Variants in DCDC2 observed in about 807,000 individuals in gnomAD.
DCDC2 encodes doublecortin domain-containing protein 2.
Under a neutral mutation model 50.2 loss-of-function variants are expected in DCDC2, and 40 were observed. The ratio of observed to expected loss-of-function variants is 0.80; its 90% CI spans 0.62 to 1.04. The LOEUF (loss-of-function observed/expected upper bound fraction) is 1.04, where lower values mean the gene tolerates loss of function less well. Among genes scored for constraint, DCDC2 ranks in the 50% least tolerant of loss-of-function variants. DCDC2 has a pLI of 0.00. For missense variants in DCDC2, 570 were observed against 581.9 expected (o/e 0.98, Z 0.21); for synonymous variants, 234 against 210.6 (o/e 1.11, Z -0.96).
At chr6:24,308,579 C>A (rs1759515811) in intron 2 of DCDC2, among the ~76,000 whole-genome samples, 1 of 151,984 alleles carries the variant, frequency 6.6e-6, no homozygotes, top group Non-Finnish European at 1.5e-5. Flanking sequence ...ACATGACGAC[C>A]CGTTATCAAG....
the DCDC2 span, among the ~76,000 whole-genome samples, chr6:24,367,659 T>C: frequency 2.0e-4 from 31 of 152,312 alleles, no homozygotes; most frequent in African/African-American, 7.0e-4. Flanking sequence ...TGTTCTCAGA[T>C]GGCTGACAGA....
intron 7 of DCDC2, among the ~76,000 whole-genome samples, chr6:24,263,370 A>G (rs1488477881): frequency 6.6e-6 from 1 of 152,234 alleles, no homozygotes; most frequent in Non-Finnish European, 1.5e-5. Flanking sequence ...ATCCCGAGAA[A>G]CATGACCTCA....
intron 2 of DCDC2, among the ~76,000 whole-genome samples, chr6:24,321,724 T>C (rs1759777436): frequency 6.6e-6 from 1 of 152,218 alleles, no homozygotes; most frequent in South Asian, 2.1e-4. Context: ...ATCACTGGTA[T>C]TTCCCAGTCT....
intron 7 of DCDC2, among the ~76,000 whole-genome samples, chr6:24,239,501 C>A (rs778313287): frequency 6.6e-6 from 1 of 152,214 alleles, no homozygotes; most frequent in Non-Finnish European, 1.5e-5. Flanking sequence ...ACAAGCACTG[C>A]CCCTGTAACA....
intron 8 of DCDC2, among the ~76,000 whole-genome samples, chr6:24,200,596 G>A (rs1467035068): frequency 3.3e-5 from 5 of 151,510 alleles, no homozygotes; most frequent in South Asian, 2.1e-4. Context: ...AGAAACTAAC[G>A]GGCAAAATAA....
intron 7 of DCDC2, among the ~76,000 whole-genome samples, chr6:24,276,977 TC>T (rs1763372651): frequency 6.6e-6 from 1 of 152,146 alleles, no homozygotes; most frequent in Non-Finnish European, 1.5e-5. Context: ...TTTAGACCCC[TC>T]CACTTCTCTG....
intron 8 of DCDC2, among the ~76,000 whole-genome samples, chr6:24,184,137 G>T (rs1210277406): frequency 1.3e-5 from 2 of 152,144 alleles, no homozygotes; most frequent in Non-Finnish European, 2.9e-5. Context: ...TAAACAAAAG[G>T]CAGTCTTGTC....
chr6:24,233,031 T>G (rs1762370995), intron 7 of DCDC2, among the ~76,000 whole-genome samples: 1 of 152,198 alleles, frequency 6.6e-6, no homozygotes, highest in Non-Finnish European at 1.5e-5. Context: ...CTGAGTTATT[T>G]GTTTTCTATG....
chr6:24,292,749 TG>T (rs1184198523), intron 4 of DCDC2, among the ~76,000 whole-genome samples: 1 of 152,228 alleles, frequency 6.6e-6, no homozygotes, highest in Non-Finnish European at 1.5e-5. Flanking sequence ...ATTGACATTT[TG>T]GACCAGATAA....
chr6:24,187,501 T>C (rs998703864), intron 8 of DCDC2, among the ~76,000 whole-genome samples: 1 of 152,174 alleles, frequency 6.6e-6, no homozygotes, highest in African/African-American at 2.4e-5. Flanking sequence ...AACCACACTG[T>C]GCAGTTATTC....
chr6:24,358,835 A>ATAATTTATT (rs1554121636), upstream of DCDC2, among the ~76,000 whole-genome samples: 1 of 59,352 alleles, frequency 1.7e-5, no homozygotes, highest in Non-Finnish European at 2.8e-5. Context: ...TTATATTTAT[A>ATAATTTATT]TATATATTTA....
intron 8 of DCDC2, among the ~76,000 whole-genome samples, chr6:24,188,490 T>A (rs1371188898): frequency 1.3e-5 from 2 of 152,206 alleles, no homozygotes; most frequent in Non-Finnish European, 2.9e-5. Context: ...TAAGAGTCAA[T>A]GTCATAAAAA....
chr6:24,358,967 A>ATATATTATATATTATATATTT (rs1247219168), upstream of DCDC2, among the ~76,000 whole-genome samples: 52 of 69,358 alleles, frequency 7.5e-4, 2 homozygotes, highest in African/African-American at 3.2e-3. Context: ...ATTATATATT[A>ATATATTATATATTATATATTT]TATATTTTAT....
chr6:24,339,190 TG>T (rs1760110745), intron 2 of DCDC2, among the ~76,000 whole-genome samples: 1 of 152,020 alleles, frequency 6.6e-6, no homozygotes, highest in Admixed American at 6.6e-5. Flanking sequence ...GCTTGCCTGG[TG>T]AACATACTCA....
At chr6:24,302,212 ATAT>A (rs1421951429) in intron 2 of DCDC2, among the ~76,000 whole-genome samples, 168 bp from the exon 3 acceptor site, 1 of 151,526 alleles carries the variant, frequency 6.6e-6, no homozygotes, top group Non-Finnish European at 1.5e-5. Context: ...CCCTTTAGCA[ATAT>A]TATAAGCCCT....
chr6:24,210,050 G>A (rs868364329), intron 7 of DCDC2, among the ~76,000 whole-genome samples: 2 of 128,074 alleles, frequency 1.6e-5, no homozygotes, highest in Middle Eastern at 8.0e-3. Context: ...GTGTGTGTGT[G>A]TGTGTCTGTC....
At chr6:24,218,089 A>G (rs891255435) in intron 7 of DCDC2, among the ~76,000 whole-genome samples, 5 of 152,118 alleles carry the variant, frequency 3.3e-5, no homozygotes, top group African/African-American at 1.2e-4. Context: ...AAATATGCCT[A>G]TATCAGCAAT....
At chr6:24,294,554 A>G (rs373362289) in intron 4 of DCDC2, among the ~76,000 whole-genome samples, 2 of 152,136 alleles carry the variant, frequency 1.3e-5, no homozygotes, top group East Asian at 3.9e-4. Context: ...AAAAAAATTA[A>G]TAAGATACAT....
At chr6:24,327,398 A>G (rs1370262839) in intron 2 of DCDC2, among the ~76,000 whole-genome samples, 1 of 149,536 alleles carries the variant, frequency 6.7e-6, no homozygotes, top group Non-Finnish European at 1.5e-5. Context: ...TGCATTTCAT[A>G]TATATAATTA....
Sources: allele counts gnomAD v4.1 joint callset (sites outside exome capture counted in the v4.1 genomes callset), GRCh38; gene constraint gnomAD v4.1.1; transcripts MANE v1.5; gene names NCBI Gene and HGNC (gene_info 2026-07-23, HGNC 2026-07-21).